CCDC171: variants seen among roughly 807,000 people sequenced by gnomAD.
CCDC171 encodes the protein coiled-coil domain-containing protein 171.
CCDC171 carries 177 observed loss-of-function variants against 168.2 expected under a neutral mutation model. The observed-to-expected ratio is 1.05, with a 90% CI of 0.93 to 1.19. The LOEUF (loss-of-function observed/expected upper bound fraction) is 1.19. CCDC171 is among the 50% of genes most tolerant of loss of function. CCDC171 has a pLI of 0.00. For synonymous variants in CCDC171, 687 were observed against 540.8 expected (o/e 1.27, Z -3.75); for missense variants, 1,991 against 1,539.0 (o/e 1.29, Z -4.91).
At chr9:16,088,545 C>T in the CCDC171 span, among the ~76,000 whole-genome samples, 1 of 152,132 alleles carries the variant, frequency 6.6e-6, no homozygotes, top group Non-Finnish European at 1.5e-5. Context: ...AATCAATGTG[C>T]AAAAATCACA....
At chr9:15,586,791 TTTAA>T (rs767363700) in intron 4 of CCDC171, among the ~76,000 whole-genome samples, 2 of 152,112 alleles carry the variant, frequency 1.3e-5, no homozygotes, top group East Asian at 1.9e-4. Flanking sequence ...CCAGCTTCCC[TTTAA>T]TTAATTAATT....
At chr9:15,854,124 G>T (rs1042857828) in intron 23 of CCDC171, among the ~76,000 whole-genome samples, 1 of 150,180 alleles carries the variant, frequency 6.7e-6, no homozygotes, top group African/African-American at 2.5e-5. Context: ...CATAGAATAG[G>T]TTAGGAGATG....
At chr9:15,878,132 G>T (rs1818106447) in intron 24 of CCDC171, among the ~76,000 whole-genome samples, 1 of 152,054 alleles carries the variant, frequency 6.6e-6, no homozygotes, top group Non-Finnish European at 1.5e-5. Flanking sequence ...TGACAAATGG[G>T]ATCAAATTAA....
the CCDC171 span, among the ~76,000 whole-genome samples, chr9:16,079,099 G>T: frequency 1.3e-5 from 2 of 152,132 alleles, no homozygotes; most frequent in Non-Finnish European, 2.9e-5. Flanking sequence ...GCTTTTTATT[G>T]CACCCTAAAT....
rs1430447569 is a variant in CCDC171 at position 15,973,148 on chromosome 9, A to G, written c.*1312A>G. On this transcript the variant is annotated 3_prime_UTR_variant, in exon 26 of 26. Transcript: ENST00000380701. ...GAACAAAAGAATATTTGTAGTAAGA[A>G]TTTGTTTTTGTATTAATCATTTAAC... is the stretch of plus-strand genomic sequence containing the variant. 6.6e-6 allele frequency: 1 copy of G among 152,184 alleles called. No individual in the cohort carries two copies. Among genetic ancestry groups the G allele is most frequent in the Admixed American group, 6.5e-5 (1 of 15,268 alleles). The allele number at this position is 152,184 out of a possible 1,614,324, so 9.4% of individuals were successfully genotyped here. A position where few individuals can be genotyped will look rare whatever the true frequency, so the allele number is the denominator to read the frequency against.
At position 16,025,700 on chromosome 9, in the gene CCDC171, T is replaced by G. The variant is rs537737206; in HGVS notation, n.998+2792T>G. Among the ~76,000 whole-genome samples the G allele has an allele frequency of 1.3e-3, 204 of 152,116 alleles. 5 individuals carry two copies. Among genetic ancestry groups the G allele is most frequent in the Non-Finnish European group, 1.7e-3 (119 of 68,026 alleles). The stretch of plus-strand genomic sequence containing the variant: ...AAAAAAACTAGTCACAAAAGCCCAT[T>G]TACTGTATAATTCCATTTATCTGAA... On this transcript the variant is annotated intron_variant and non_coding_transcript_variant, in intron 6 of 9. Transcript: ENST00000486641.
At chr9:16,023,830 A>T (rs1272502627) in intron 6 of CCDC171, among the ~76,000 whole-genome samples, 1 of 145,232 alleles carries the variant, frequency 6.9e-6, no homozygotes, top group Non-Finnish European at 1.5e-5. Context: ...CAGACAGAAT[A>T]ATGCCACCCT....
chr9:16,076,062 G>T, the CCDC171 span, among the ~76,000 whole-genome samples: 3 of 152,330 alleles, frequency 2.0e-5, no homozygotes, highest in Middle Eastern at 3.4e-3. Context: ...AATGCAGAGG[G>T]TCTGTGGATG....
At chr9:15,781,113 T>A (rs370848955) in intron 20 of CCDC171, among the ~76,000 whole-genome samples, 1 of 152,252 alleles carries the variant, frequency 6.6e-6, no homozygotes, top group Non-Finnish European at 1.5e-5. Flanking sequence ...GGAAAATTCC[T>A]TACATATGTT....
At position 15,972,858 on chromosome 9, in the gene CCDC171, T is replaced by C. The variant is rs1421337111; in HGVS notation, c.*1022T>C. ...CAAGATGCCCCAGTGACATTTCAGC[T>C]AGAAAGAGCAAGTGTCTTGCAACCA... On this transcript the variant is annotated 3_prime_UTR_variant, in exon 26 of 26. Transcript: ENST00000380701. The C allele has an allele frequency of 6.6e-6, 1 of 152,130 alleles. No individual in the cohort carries two copies. Among genetic ancestry groups the C allele is most frequent in the African/African-American group, 2.4e-5 (1 of 41,424 alleles). The allele number at this position is 152,130 out of a possible 1,614,324, so 9.4% of individuals were successfully genotyped here.
chr9:15,685,053 A>G (rs2050288582), intron 10 of CCDC171, among the ~76,000 whole-genome samples: 1 of 152,224 alleles, frequency 6.6e-6, no homozygotes, highest in South Asian at 2.1e-4. Context: ...GAGGCAAATA[A>G]GTGAGTCCCT....
chr9:15,698,776 T>C (rs1406497553), intron 11 of CCDC171, among the ~76,000 whole-genome samples: 1 of 152,138 alleles, frequency 6.6e-6, no homozygotes, highest in Admixed American at 6.5e-5. Flanking sequence ...TAGCCTAGAA[T>C]TCCTGGGCTC....
At chr9:16,103,316 A>G in the CCDC171 span, among the ~76,000 whole-genome samples, 1 of 152,218 alleles carries the variant, frequency 6.6e-6, no homozygotes, top group Non-Finnish European at 1.5e-5. Flanking sequence ...GCCTGGGAGC[A>G]GGGAGATCTG....
chr9:15,595,843 C>G (rs938539389), intron 6 of CCDC171, among the ~76,000 whole-genome samples: 5 of 152,166 alleles, frequency 3.3e-5, no homozygotes, highest in African/African-American at 1.2e-4. Flanking sequence ...GCCATTCTAA[C>G]TGGTGTGAGA....
intron 6 of CCDC171, among the ~76,000 whole-genome samples, chr9:15,622,643 T>G (rs1477918000): frequency 6.6e-6 from 1 of 152,170 alleles, no homozygotes; most frequent in Admixed American, 6.5e-5. Flanking sequence ...TTGAACTTTT[T>G]CAATAAAATT....
chr9:15,701,034 T>G (rs1170834860), intron 11 of CCDC171, among the ~76,000 whole-genome samples: 1 of 152,232 alleles, frequency 6.6e-6, no homozygotes, highest in Non-Finnish European at 1.5e-5. Flanking sequence ...TAGTATGTCT[T>G]CTTTTGAGAA....
chr9:15,646,429 A>G (rs1049158254), intron 7 of CCDC171, among the ~76,000 whole-genome samples: 14 of 152,218 alleles, frequency 9.2e-5, no homozygotes, highest in African/African-American at 2.7e-4. Context: ...AATGGGCTAA[A>G]TGCTCCAATT....
intron 21 of CCDC171, among the ~76,000 whole-genome samples, chr9:15,797,745 A>G (rs1588561970): frequency 6.6e-6 from 1 of 152,128 alleles, no homozygotes; most frequent in African/African-American, 2.4e-5. Flanking sequence ...TATTTCATCT[A>G]AGAAATGTTT....
At chr9:16,001,594 C>T (rs149189053) in intron 3 of CCDC171, among the ~76,000 whole-genome samples, 6 of 152,060 alleles carry the variant, frequency 3.9e-5, no homozygotes, top group Non-Finnish European at 5.9e-5. Flanking sequence ...AACCATGAAC[C>T]GCATATATGA....
Sources: allele counts gnomAD v4.1 joint callset (sites outside exome capture counted in the v4.1 genomes callset), GRCh38; gene constraint gnomAD v4.1.1; transcripts MANE v1.5; gene names NCBI Gene and HGNC (gene_info 2026-07-23, HGNC 2026-07-21).